LARGE1: variants seen among roughly 807,000 people sequenced by gnomAD.
The protein encoded by LARGE1 is xylosyl- and glucuronyltransferase LARGE1.
A neutral mutation model predicts 87.6 loss-of-function variants in LARGE1; 43 were observed. That is an observed-to-expected ratio of 0.49 (90% CI 0.38 to 0.63). LARGE1 has a LOEUF of 0.63. Among genes scored for constraint, LARGE1 ranks in the 30% least tolerant of loss-of-function variants. LARGE1 has a pLI of 0.00. For synonymous variants in LARGE1, 434 were observed against 394.6 expected (o/e 1.10, Z -1.18); for missense variants, 802 against 1,000.2 (o/e 0.80, Z 2.67).
intron 2 of LARGE1, chr22:33,732,282 G>C (rs183965859): frequency 6.6e-6 from 1 of 152,162 alleles, no homozygotes; most frequent in Non-Finnish European, 1.5e-5. Context: ...AGCGGGCGGG[G>C]CTGGGGAATC....
At chr22:33,811,525 G>GA (rs2086493463) in intron 1 of LARGE1, among the ~76,000 whole-genome samples, 1 of 152,132 alleles carries the variant, frequency 6.6e-6, no homozygotes, top group South Asian at 2.1e-4. Context: ...CTGACAGGGA[G>GA]AAAAAGTTAA....
chr22:33,316,269 C>G (rs1355931609), intron 10 of LARGE1, 21 bp from the exon 11 acceptor site: 36 of 1,611,814 alleles, frequency 2.2e-5, no homozygotes, highest in Non-Finnish European at 3.1e-5. Context: ...GGAGAGAGGG[C>G]TTGGGCACGT....
At chr22:33,371,718 C>G (rs2064814020) in intron 9 of LARGE1, among the ~76,000 whole-genome samples, 1 of 152,142 alleles carries the variant, frequency 6.6e-6, no homozygotes, top group African/African-American at 2.4e-5. Flanking sequence ...GGCGCGGTGG[C>G]TCACGCCTAT....
intron 12 of LARGE1, among the ~76,000 whole-genome samples, chr22:33,283,786 G>A (rs1020784054): frequency 1.4e-5 from 2 of 142,492 alleles, no homozygotes; most frequent in African/African-American, 2.7e-5. Context: ...AAAAAAAGGT[G>A]GGGGGAAGAA....
At chr22:33,659,465 G>A (rs2081059786) in intron 2 of LARGE1, among the ~76,000 whole-genome samples, 2 of 152,144 alleles carry the variant, frequency 1.3e-5, no homozygotes, top group Non-Finnish European at 2.9e-5. Flanking sequence ...CGTGTCATCA[G>A]CTTTTCTTTT....
chr22:33,089,361 TTC>T, the LARGE1 span, among the ~76,000 whole-genome samples: 1 of 76,692 alleles, frequency 1.3e-5, no homozygotes, highest in African/African-American at 5.6e-5. Context: ...CTTCTTCTTC[TTC>T]TTCTTCTCCT....
chr22:33,595,458 T>C (rs2078952853), intron 5 of LARGE1, among the ~76,000 whole-genome samples: 1 of 152,172 alleles, frequency 6.6e-6, no homozygotes, highest in Non-Finnish European at 1.5e-5. Flanking sequence ...CCACAGAGAA[T>C]GTCTCTGTCT....
intron 6 of LARGE1, among the ~76,000 whole-genome samples, chr22:33,451,640 C>T (rs1230097357): frequency 2.6e-5 from 4 of 151,512 alleles, no homozygotes; most frequent in African/African-American, 9.7e-5. Context: ...CTCACTGCAA[C>T]CTCTGCCTCC....
chr22:33,630,113 C>A (rs1238283973), intron 3 of LARGE1, among the ~76,000 whole-genome samples: 1 of 152,060 alleles, frequency 6.6e-6, no homozygotes, highest in Non-Finnish European at 1.5e-5. Context: ...GCAGGAGAAT[C>A]GCTTGAACCT....
At position 33,522,919 on chromosome 22, in the gene LARGE1, G is replaced by A. The variant is rs1236902669; in HGVS notation, c.787+41929C>T. On this transcript the variant is annotated intron_variant, in intron 6 of 14. Coordinates refer to ENST00000397394, the MANE Select transcript of LARGE1 (RefSeq NM_133642.5). The stretch of plus-strand genomic sequence containing the variant: ...GTTACTTGGGAGTCTGAGGTGGGAG[G>A]ATGGCTTGAGCCCGGGAGGTAGAGG... 2.0e-5 allele frequency among the ~76,000 whole-genome samples: 3 copies of A among 152,202 alleles called. No individual in the cohort carries two copies. The East Asian group carries it at 5.8e-4, about 30-fold the overall frequency.
intron 1 of LARGE1, among the ~76,000 whole-genome samples, chr22:33,769,234 G>C (rs1047314535): frequency 1.3e-5 from 2 of 152,156 alleles, no homozygotes; most frequent in African/African-American, 4.8e-5. Context: ...AGTGAATACT[G>C]ACTGAAGAGC....
At chr22:33,394,702 CGTGTGTGTGTGTGTGTGTGTGT>C (rs59338001) in intron 7 of LARGE1, among the ~76,000 whole-genome samples, 1 of 142,338 alleles carries the variant, frequency 7.0e-6, no homozygotes, top group Non-Finnish European at 1.5e-5. Flanking sequence ...CTCCTGGGAG[CGTGTGTGTGTGTGTGTGTGTGT>C]GTGTGTGTGT....
the LARGE1 span, among the ~76,000 whole-genome samples, chr22:33,069,654 C>A: frequency 0.053 from 8,058 of 152,128 alleles, 447 homozygotes; most frequent in East Asian, 0.25. Flanking sequence ...TTCTGGTACA[C>A]CATAAGTACC....
At chr22:33,834,671 G>C (rs941343324) in intron 1 of LARGE1, among the ~76,000 whole-genome samples, 1 of 152,152 alleles carries the variant, frequency 6.6e-6, no homozygotes. Context: ...CTCTTCACAC[G>C]GACGCGAGTG....
intron 1 of LARGE1, among the ~76,000 whole-genome samples, chr22:33,889,864 G>C (rs976324320): frequency 6.6e-6 from 1 of 152,086 alleles, no homozygotes; most frequent in Non-Finnish European, 1.5e-5. Context: ...CAGAAACACA[G>C]TGTGAACCAG....
intron 7 of LARGE1, among the ~76,000 whole-genome samples, chr22:33,426,421 C>T (rs2066881440): frequency 6.6e-6 from 1 of 152,122 alleles, no homozygotes; most frequent in Non-Finnish European, 1.5e-5. Flanking sequence ...TCTTTCAGAA[C>T]ACGAAGAGAT....
intron 9 of LARGE1, among the ~76,000 whole-genome samples, chr22:33,352,879 A>C (rs1434295088): frequency 6.6e-6 from 1 of 152,218 alleles, no homozygotes; most frequent in African/African-American, 2.4e-5. Context: ...TTCCAAATAA[A>C]AGTTTATAAT....
At chr22:33,822,086 T>C (rs1568959653) in intron 1 of LARGE1, among the ~76,000 whole-genome samples, 1 of 152,110 alleles carries the variant, frequency 6.6e-6, no homozygotes, top group Non-Finnish European at 1.5e-5. Flanking sequence ...CCCGGTTAAT[T>C]ATGTATTCCC....
intron 2 of LARGE1, among the ~76,000 whole-genome samples, chr22:33,684,088 T>C (rs2081869855): frequency 6.6e-6 from 1 of 152,168 alleles, no homozygotes; most frequent in Non-Finnish European, 1.5e-5. Context: ...GAGCTGCTCT[T>C]TAATAAGACA....
Sources: gnomAD v4.1 joint callset for allele counts (sites outside exome capture counted in the v4.1 genomes callset) on GRCh38, gnomAD v4.1.1 for gene constraint, MANE v1.5 for transcripts, NCBI Gene and HGNC (gene_info 2026-07-23, HGNC 2026-07-21) for gene names.